Variants in SMC2 observed in about 807,000 individuals in gnomAD.
SMC2 encodes structural maintenance of chromosomes 2.
SMC2 carries 41 observed loss-of-function variants against 142.6 expected under a neutral mutation model. That is an observed-to-expected ratio of 0.29 (90% confidence interval 0.22 to 0.37). The LOEUF (loss-of-function observed/expected upper bound fraction) is 0.37, where lower values mean the gene tolerates loss of function less well. Among genes scored for constraint, SMC2 ranks in the 10% least tolerant of loss-of-function variants. SMC2 has a pLI of 1.00. For synonymous variants in SMC2, 463 were observed against 457.5 expected (o/e 1.01, Z -0.15); for missense variants, 1,265 against 1,373.7 (o/e 0.92, Z 1.25).
chr9:104,131,350 G>C (rs1259565094), intron 21 of SMC2, among the ~76,000 whole-genome samples: 4 of 152,084 alleles, frequency 2.6e-5, no homozygotes, highest in Non-Finnish European at 4.4e-5. Flanking sequence ...ACCTGGGGAG[G>C]AGTTTAATGC....
At chr9:104,096,072 C>A in intron 2 of SMC2, 76 bp from the exon 3 acceptor site, 2 of 1,389,722 alleles carry the variant, frequency 1.4e-6, no homozygotes, top group Non-Finnish European at 2.0e-6. Context: ...TTTCCAACAG[C>A]AAGGGACCCA....
intron 22 of SMC2, 107 bp downstream of exon 22, chr9:104,132,232 G>T: frequency 1.5e-6 from 1 of 674,330 alleles, no homozygotes; most frequent in Non-Finnish European, 2.6e-6. Flanking sequence ...TTTGAATGAG[G>T]CACATATTCA....
In SMC2 at chr9:104,111,630, A is replaced by G. The variant is rs1179965149; in HGVS notation, c.1070A>G (p.Asp357Gly). 1.9e-6 allele frequency: 3 copies of G among 1,613,956 alleles called. No individual in the cohort carries two copies. Among genetic ancestry groups the G allele is most frequent in the Admixed American group, 1.7e-5 (1 of 60,002 alleles). ...GAAAAAGAGGTTAAAAAGATAACAG[A>G]TGGACTGCATGCCCTTCAAGAAGCA... ...AKEKEVKKITDGLHALQEASN... is the reference protein window; with the variant it reads ...AKEKEVKKITGGLHALQEASN... Residue 357 changes from aspartate (D) to glycine (G), a missense_variant, in exon 10 of 25, where the codon GAT (aspartate) becomes GGT (glycine). This residue lies in a region of SMC2 where 898 missense variants were observed against 904.2 expected (regional missense o/e 0.99). Coordinates refer to ENST00000374793, the MANE Select transcript of SMC2 (RefSeq NM_006444.3).
intron 22 of SMC2, among the ~76,000 whole-genome samples, chr9:104,132,491 G>T (rs1835091883): frequency 6.6e-6 from 1 of 152,008 alleles, no homozygotes; most frequent in Admixed American, 6.6e-5. Context: ...TCTCCTATAG[G>T]ATAATTCCTT....
intron 15 of SMC2, among the ~76,000 whole-genome samples, chr9:104,119,753 C>T (rs1190879420): frequency 6.6e-6 from 1 of 152,070 alleles, no homozygotes; most frequent in African/African-American, 2.4e-5. Context: ...GAGCAAATCA[C>T]GTAGGCAAGT....
intron 9 of SMC2, among the ~76,000 whole-genome samples, chr9:104,110,923 C>T (rs766841889): frequency 3.9e-5 from 6 of 152,158 alleles, no homozygotes; most frequent in African/African-American, 9.7e-5. Flanking sequence ...CTTAGAACAG[C>T]GACTTAGTCT....
Position 104,126,680 on chromosome 9 carries a change from A to C in SMC2, c.2491A>C (p.Arg831=). 4 of 1,612,444 alleles carry C rather than the reference A, an allele frequency of 2.5e-6. No homozygotes were observed. The highest frequency in any genetic ancestry group is 3.4e-6 in the Non-Finnish European group (4 of 1,179,484). ...AITLELEELK[R]EHTSYKQQLE... ...CACTCTGGAACTGGAAGAGCTCAAG[A>C]GAGAGCATACATCTTACAAACAACA... The change falls in exon 19 of 25, where the codon AGA becomes CGA. Residue 831 remains arginine (R), a synonymous_variant. Transcript: ENST00000374793.
In SMC2 at chr9:104,127,442, A is replaced by C. The variant is rs1281180482; in HGVS notation, c.2752A>C (p.Ser918Arg). 2 of 1,612,588 alleles carry C rather than the reference A, an allele frequency of 1.2e-6. No individual in the cohort carries two copies. Among genetic ancestry groups the C allele is most frequent in the Admixed American group, 3.3e-5 (2 of 59,728 alleles). ...AATTAAGGAATTAGACCACAACATCAGCAAACATAAACGGGAGGCTGAAGA... is the reference window on the plus strand; with the variant it reads ...AATTAAGGAATTAGACCACAACATCCGCAAACATAAACGGGAGGCTGAAGA... ...LKIKELDHNISKHKREAEDGA... is the reference protein window; with the variant it reads ...LKIKELDHNIRKHKREAEDGA... Residue 918 changes from serine (S) to arginine (R), a missense_variant, in exon 20 of 25, where the codon AGC becomes CGC. Transcript: ENST00000374793.
intron 5 of SMC2, 41 bp downstream of exon 5, chr9:104,099,723 G>A (rs771689108): frequency 1.4e-5 from 16 of 1,184,494 alleles, no homozygotes; most frequent in African/African-American, 1.5e-5. Flanking sequence ...AGTTGGTATA[G>A]ATATTACTTT....
intron 22 of SMC2, 39 bp from the exon 23 acceptor site, chr9:104,134,376 G>A (rs1313763976): frequency 6.8e-7 from 1 of 1,474,928 alleles, no homozygotes; most frequent in South Asian, 1.3e-5. Context: ...TTCTTGGAAA[G>A]CATCCTGATG....
intron 18 of SMC2, 88 bp from the exon 19 acceptor site, chr9:104,126,553 G>C: frequency 1.1e-6 from 1 of 940,022 alleles, no homozygotes; most frequent in Non-Finnish European, 1.5e-6. Flanking sequence ...ACTTGCATGA[G>C]ATTATTATTT....
intron 24 of SMC2, 36 bp downstream of exon 24, chr9:104,138,201 A>C (rs761390534): frequency 4.9e-5 from 74 of 1,502,316 alleles, no homozygotes; most frequent in Non-Finnish European, 6.1e-5. Flanking sequence ...GTAATAGTTT[A>C]ATTAGACTAT....
At chr9:104,116,049 A>G (rs1833073478) in intron 13 of SMC2, 151 bp from the exon 14 acceptor site, 7 of 569,074 alleles carry the variant, frequency 1.2e-5, no homozygotes, top group Non-Finnish European at 1.7e-5. Flanking sequence ...TCCTTTTTCA[A>G]GTTCAAATGA....
chr9:104,114,009 G>A lies in SMC2; in HGVS notation c.1460G>A (p.Arg487His), dbSNP rs1401285860. Residue 487 changes from arginine (R) to histidine (H), a missense_variant, in exon 12 of 25, where the codon CGT (arginine) becomes CAT (histidine). Arg to His is a conservative substitution (Grantham distance 29, BLOSUM62 0). Around this residue, in one of 4 missense-constraint regions of SMC2, gnomAD observed 898 missense variants for 904.2 expected, o/e 0.99. Coordinates refer to ENST00000374793, the MANE Select transcript of SMC2 (RefSeq NM_006444.3). ...SLLEKRRQLS[R>H]DIGRLKETYE... ...TTGGAAAAGCGCAGGCAGCTGTCTC[G>A]TGATATTGGTAGATTGAAAGAAACA... 1.1e-5 allele frequency: 18 copies of A among 1,599,680 alleles called. No homozygotes were observed. The highest frequency in any genetic ancestry group is 2.3e-5 in the East Asian group (1 of 44,272).
Position 104,111,601 on chromosome 9 carries a change from A to G in SMC2, c.1041A>G (p.Ala347=). The change falls in exon 10 of 25, where the codon GCA becomes GCG. Residue 347 remains alanine (A), a synonymous_variant. Coordinates refer to ENST00000374793, the MANE Select transcript of SMC2 (RefSeq NM_006444.3). ...NMVEDSKTLA[A]KEKEVKKITD... is the part of the protein sequence containing the mutation. Reference sequence around the variant, plus strand: ...TAAAGGACTCAAAAACTTTAGCAGCAAAGGAAAAAGAGGTTAAAAAGATAA... The same window carrying G: ...TAAAGGACTCAAAAACTTTAGCAGCGAAGGAAAAAGAGGTTAAAAAGATAA... 1.9e-6 allele frequency: 3 copies of G among 1,612,436 alleles called. No homozygotes were observed. Among genetic ancestry groups the G allele is most frequent in the Non-Finnish European group, 2.5e-6 (3 of 1,179,414 alleles).
chr9:104,096,052 G>T (rs538369386), intron 2 of SMC2, 96 bp from the exon 3 acceptor site: 382 of 1,106,078 alleles, frequency 3.5e-4, no homozygotes, highest in Middle Eastern at 1.9e-3. Flanking sequence ...TGGACACTAC[G>T]TTGGTGGGTT....
chr9:104,096,224 C>T lies in SMC2; in HGVS notation c.245C>T (p.Thr82Ile). The T allele has an allele frequency of 1.9e-6, 3 of 1,613,926 alleles. No individual in the cohort carries two copies. The highest frequency in any genetic ancestry group is 2.5e-6 in the Non-Finnish European group (3 of 1,179,784). ...ATTACCAAAGCCTCTGTGTCAATCA[C>T]TTTTGATAATTCTGACAAAAAGCAA... ...AGITKASVSI[T>I]FDNSDKKQSP... is the part of the protein sequence containing the mutation. Residue 82 changes from threonine to isoleucine, a missense_variant, in exon 3 of 25, where the codon ACT (threonine) becomes ATT (isoleucine). By Grantham distance (89) the Thr-to-Ile change is moderately conservative. Coordinates refer to ENST00000374793, the MANE Select transcript of SMC2 (RefSeq NM_006444.3).
intron 9 of SMC2, among the ~76,000 whole-genome samples, 192 bp downstream of exon 9, chr9:104,102,765 A>G (rs541160574): frequency 6.6e-6 from 1 of 152,270 alleles, no homozygotes; most frequent in African/African-American, 2.4e-5. Context: ...ATTGGGGGAA[A>G]TGATAATAAA....
rs1311817919 is a variant in SMC2 at position 104,099,611 on chromosome 9, GTTATC to G, written c.442-29_442-25del. ...TACAGATAAACATTTTCTGTAATTT[GTTATC>G]TTAGTAAGTTTGCTATTTTATTTTC... On this transcript the variant is annotated intron_variant, in intron 4 of 24. Transcript: ENST00000374793. 4 of 1,377,108 alleles carry G rather than the reference GTTATC, an allele frequency of 2.9e-6. No homozygotes were observed. In the African/African-American group the frequency reaches 4.3e-5, roughly 15 times the overall value. 85.3% of individuals were successfully genotyped at this position (1,377,108 alleles called of 1,614,324 possible).
Sources: gnomAD v4.1 joint callset for allele counts (sites outside exome capture counted in the v4.1 genomes callset) on GRCh38, gnomAD v4.1.1 for gene constraint, gnomAD v4.1.1 regional missense constraint, MANE v1.5 for transcripts, NCBI Gene and HGNC (gene_info 2026-07-23, HGNC 2026-07-21) for gene names.